RTN4: variants seen among roughly 807,000 people sequenced by gnomAD.
RTN4 encodes the protein reticulon-4.
In RTN4, 32 loss-of-function variants were observed where a neutral mutation model predicts 90.4. That is an observed-to-expected ratio of 0.35 (90% CI 0.27 to 0.48). RTN4 has a LOEUF of 0.48. RTN4 is among the 20% of genes least tolerant of loss of function. The pLI is 0.99. For missense variants in RTN4, 1,706 were observed against 1,430.2 expected, an observed-to-expected ratio of 1.19 and a Z score of -3.11; for synonymous variants, 629 against 552.5, an observed-to-expected ratio of 1.14 and a Z score of -1.94.
intron 5 of RTN4, among the ~76,000 whole-genome samples, chr2:54,978,753 T>C (rs530144355): frequency 6.6e-6 from 1 of 152,138 alleles, no homozygotes; most frequent in Admixed American, 6.5e-5. Flanking sequence ...CTATAAATTT[T>C]AAAAAACTCA....
intron 1 of RTN4, among the ~76,000 whole-genome samples, chr2:55,111,243 A>G (rs1668033649): frequency 6.6e-6 from 1 of 152,202 alleles, no homozygotes; most frequent in African/African-American, 2.4e-5. Context: ...GCATGAAAAA[A>G]AAAAATTCAC....
At chr2:55,085,308 T>C (rs1487591665) in intron 1 of RTN4, among the ~76,000 whole-genome samples, 1 of 149,328 alleles carries the variant, frequency 6.7e-6, no homozygotes, top group Admixed American at 6.8e-5. Flanking sequence ...TATATATACA[T>C]ATACACCCAC....
At chr2:55,116,198 G>A (rs188726044), upstream of RTN4, among the ~76,000 whole-genome samples, 1 of 151,092 alleles carries the variant, frequency 6.6e-6, no homozygotes, top group Admixed American at 6.6e-5. Flanking sequence ...AAAGTGCTAG[G>A]ATTATAGGCA....
At chr2:55,030,242 C>G (rs1682205812) in intron 1 of RTN4, among the ~76,000 whole-genome samples, 1 of 151,748 alleles carries the variant, frequency 6.6e-6, no homozygotes, top group African/African-American at 2.4e-5. Flanking sequence ...GTGCAATAAT[C>G]TTTTATAATA....
chr2:55,014,233 T>C (rs1041946925), intron 3 of RTN4, among the ~76,000 whole-genome samples: 2 of 152,030 alleles, frequency 1.3e-5, no homozygotes, highest in African/African-American at 4.8e-5. Context: ...CAAGTTAAAA[T>C]AGCAAAACAA....
At chr2:55,043,066 T>A (rs1683180944) in intron 1 of RTN4, among the ~76,000 whole-genome samples, 2 of 152,228 alleles carry the variant, frequency 1.3e-5, no homozygotes, top group Admixed American at 1.3e-4. Flanking sequence ...AAAAGGATGA[T>A]GATGGCATTA....
At chr2:55,010,006 T>C in intron 3 of RTN4, 1 of 1,495,880 alleles carries the variant, frequency 6.7e-7, no homozygotes, top group South Asian at 1.2e-5. Context: ...ATCCAAAATA[T>C]CTAAATTCCA....
intron 3 of RTN4, among the ~76,000 whole-genome samples, chr2:54,996,866 T>C (rs1425863071): frequency 1.3e-5 from 2 of 152,164 alleles, no homozygotes; most frequent in African/African-American, 4.8e-5. Context: ...ACAATCCTCC[T>C]GCCTCAGCCT....
chr2:55,028,562 G>C (rs1682078094), intron 1 of RTN4, among the ~76,000 whole-genome samples: 1 of 152,014 alleles, frequency 6.6e-6, no homozygotes, highest in African/African-American at 2.4e-5. Flanking sequence ...TTTTCACATA[G>C]GTAAATTGTC....
the RTN4 span, among the ~76,000 whole-genome samples, chr2:55,118,537 A>G: frequency 3.3e-5 from 5 of 152,236 alleles, no homozygotes; most frequent in African/African-American, 1.2e-4. Flanking sequence ...CTTCTAGTGG[A>G]CAGACTATTG....
rs538457994 is a variant in RTN4 at position 54,979,349 on chromosome 2, T to C, written c.3360+3166A>G. Among the ~76,000 whole-genome samples, 4 of 152,300 alleles carry C rather than the reference T, an allele frequency of 2.6e-5. No individual in the cohort carries two copies. The South Asian group carries it at 6.2e-4, about 24-fold the overall frequency. ...CTGGGATTACAGGCGTGAGCTACTG[T>C]GCATGGCCAGGAAAACCTTCTTCTT... is the stretch of plus-strand genomic sequence containing the variant. On this transcript the variant is annotated intron_variant, in intron 5 of 8. Transcript: ENST00000337526.
intron 4 of RTN4, among the ~76,000 whole-genome samples, chr2:54,984,304 G>GTATA (rs1441650206): frequency 6.6e-6 from 1 of 152,108 alleles, no homozygotes; most frequent in Non-Finnish European, 1.5e-5. Flanking sequence ...TCCTACTAGA[G>GTATA]TATAAGCTGT....
chr2:54,996,403 G>C (rs1679430004), intron 3 of RTN4, among the ~76,000 whole-genome samples: 1 of 152,220 alleles, frequency 6.6e-6, no homozygotes. Flanking sequence ...GTACAACAAA[G>C]GTTGGAGGAC....
the RTN4 span, among the ~76,000 whole-genome samples, chr2:55,124,167 C>T: frequency 1.3e-5 from 2 of 152,338 alleles, no homozygotes; most frequent in East Asian, 3.9e-4. Flanking sequence ...CAGTATCCTT[C>T]TCTGATGAAC....
At chr2:55,004,617 A>C (rs1680076205) in intron 3 of RTN4, among the ~76,000 whole-genome samples, 1 of 152,138 alleles carries the variant, frequency 6.6e-6, no homozygotes, top group African/African-American at 2.4e-5. Flanking sequence ...CATATTTTAA[A>C]ATTTTCCAAA....
At chr2:55,052,039 AAAAAG>A (rs1343383921), upstream of RTN4, among the ~76,000 whole-genome samples, 1 of 152,202 alleles carries the variant, frequency 6.6e-6, no homozygotes, top group Admixed American at 6.5e-5. Flanking sequence ...TTGGGTATTA[AAAAAG>A]AAAAGTAAGA....
chr2:55,029,845 C>CAT (rs1276003911), intron 1 of RTN4, among the ~76,000 whole-genome samples: 1 of 152,076 alleles, frequency 6.6e-6, no homozygotes, highest in African/African-American at 2.4e-5. Flanking sequence ...AAATAAAGTG[C>CAT]ATATATATGT....
At chr2:54,984,235 C>CTTAT (rs1678372466) in intron 4 of RTN4, among the ~76,000 whole-genome samples, 1 of 152,064 alleles carries the variant, frequency 6.6e-6, no homozygotes, top group Non-Finnish European at 1.5e-5. Flanking sequence ...TTGTGTTAGT[C>CTTAT]TTATAGTATT....
chr2:55,065,134 C>T (rs952070773), intron 2 of RTN4, among the ~76,000 whole-genome samples: 2 of 152,212 alleles, frequency 1.3e-5, no homozygotes, highest in Non-Finnish European at 2.9e-5. Context: ...CATAGGATGT[C>T]TTCTTTATTC....
Sources: allele counts gnomAD v4.1 joint callset (sites outside exome capture counted in the v4.1 genomes callset), GRCh38; gene constraint gnomAD v4.1.1; transcripts MANE v1.5; gene names NCBI Gene and HGNC (gene_info 2026-07-23, HGNC 2026-07-21).